Variants in APOOL observed in about 807,000 individuals in gnomAD.
The protein encoded by APOOL is apolipoprotein O like, also known as MICOS complex subunit MIC27.
APOOL carries 12 observed loss-of-function variants against 23.1 expected under a neutral mutation model. The observed-to-expected ratio is 0.52, with a 90% CI of 0.33 to 0.84. APOOL has a LOEUF of 0.84. Ranked by LOEUF, APOOL falls within the 40% of genes least tolerant of loss-of-function variation. The pLI, the probability that APOOL is intolerant of heterozygous loss-of-function variation, is 0.02. For synonymous variants in APOOL, 77 were observed against 69.9 expected, an observed-to-expected ratio of 1.10 and a Z score of -0.51; for missense variants, 212 against 199.6, an observed-to-expected ratio of 1.06 and a Z score of -0.37.
chrX:85,046,371 C>G, intron 1 of APOOL, 75 bp from the exon 2 acceptor site: 1 of 811,749 alleles, frequency 1.2e-6, no homozygotes, highest in Non-Finnish European at 1.8e-6. Context: ...TCCTGAGATT[C>G]CTCCAGTATT....
chrX:85,047,934 C>T (rs1683847760), intron 2 of APOOL, among the ~76,000 whole-genome samples: 1 of 111,361 alleles, frequency 9.0e-6, no homozygotes, highest in South Asian at 3.8e-4. Context: ...AATGTACTAC[C>T]ATCAAATAAA....
intron 3 of APOOL, among the ~76,000 whole-genome samples, chrX:85,053,260 A>G (rs932164848): frequency 1.8e-5 from 2 of 111,473 alleles, no homozygotes; most frequent in East Asian, 2.8e-4. Flanking sequence ...ATGATTCCCA[A>G]TCGACTGGTC....
intron 1 of APOOL, among the ~76,000 whole-genome samples, chrX:85,027,843 G>A (rs1056171505): frequency 3.6e-5 from 4 of 111,925 alleles, no homozygotes; most frequent in Admixed American, 2.9e-4. Context: ...TTACTAGTTT[G>A]ATAGGTGTCT....
chrX:85,057,941 C>A (rs1923034641), intron 5 of APOOL, among the ~76,000 whole-genome samples: 1 of 110,997 alleles, frequency 9.0e-6, no homozygotes, highest in African/African-American at 3.3e-5. Context: ...TTCCTTAGGT[C>A]ATTCACCGTG....
chrX:85,008,900 A>G (rs1192941790), intron 1 of APOOL, among the ~76,000 whole-genome samples: 5 of 111,618 alleles, frequency 4.5e-5, no homozygotes, highest in African/African-American at 9.8e-5. Flanking sequence ...ATATCTTGCC[A>G]TTCATTTGTA....
intron 5 of APOOL, among the ~76,000 whole-genome samples, chrX:85,066,587 G>T (rs1923466223): frequency 9.0e-6 from 1 of 111,078 alleles, no homozygotes; most frequent in Admixed American, 9.7e-5. Flanking sequence ...CTTATGTCAG[G>T]TTACTTGCAA....
At chrX:85,083,575 G>A (rs910789549) in intron 8 of APOOL, among the ~76,000 whole-genome samples, 1 of 111,351 alleles carries the variant, frequency 9.0e-6, no homozygotes, top group African/African-American at 3.3e-5. Flanking sequence ...AGAGAAAAAA[G>A]GAATGGAAAA....
intron 6 of APOOL, among the ~76,000 whole-genome samples, chrX:85,068,290 G>T (rs977521728): frequency 9.0e-6 from 1 of 110,557 alleles, no homozygotes; most frequent in African/African-American, 3.3e-5. Context: ...TAGCTCAGAG[G>T]AGTTTCACAG....
chrX:85,050,073 C>T (rs1352378326), intron 2 of APOOL, among the ~76,000 whole-genome samples: 2 of 110,710 alleles, frequency 1.8e-5, no homozygotes, highest in Non-Finnish European at 3.8e-5. Flanking sequence ...CATCTCTCAC[C>T]TTCCTAATTA....
rs987339432 is a variant in APOOL at position 85,054,375 on chromosome X, T to C, written c.272T>C (p.Met91Thr). 1 of 1,190,702 alleles carries C rather than the reference T, an allele frequency of 8.4e-7. No individual in the cohort carries two copies. The stretch of plus-strand genomic sequence containing the variant: ...TATGTCTTTGTGAAAAATGGGATAA[T>C]GGATACAGTACAATTTGGAAAAGGT... ...GVYVFVKNGIMDTVQFGKDAY... is the reference protein window; with the variant it reads ...GVYVFVKNGITDTVQFGKDAY... The change falls in exon 4 of 9, where the codon ATG (methionine) becomes ACG (threonine). Residue 91 changes from methionine to threonine, a missense_variant. Coordinates refer to ENST00000373173, the MANE Select transcript of APOOL (RefSeq NM_198450.6).
Position 85,087,805 on chromosome X carries a change from C to T in APOOL, c.*127C>T, listed in dbSNP as rs912651118. 1.9e-6 allele frequency: 1 copy of T among 525,283 alleles called. No homozygotes were observed. Among genetic ancestry groups the T allele is most frequent in the African/African-American group, 2.5e-5 (1 of 40,695 alleles). 43.3% of individuals were successfully genotyped at this position (525,283 alleles called of 1,213,427 possible). Reference sequence around the variant, plus strand: ...TTACCTAAACCAAGTTTCTCCCTTACATTTCCAAATATGCCATTTGATAAA... The same window carrying T: ...TTACCTAAACCAAGTTTCTCCCTTATATTTCCAAATATGCCATTTGATAAA... On this transcript the variant is annotated 3_prime_UTR_variant, in exon 9 of 9. Coordinates refer to ENST00000373173, the MANE Select transcript of APOOL (RefSeq NM_198450.6).
At position 85,091,964 on chromosome X, in the gene APOOL, T is replaced by G. The variant is rs188534158; in HGVS notation, c.*4286T>G. On this transcript the variant is annotated 3_prime_UTR_variant, in exon 9 of 9. Transcript: ENST00000373173. The stretch of plus-strand genomic sequence containing the variant: ...GTCTGGGAGGCTGAAGTGGGAGGAT[T>G]GCTTGAGGCCAAAAGTTTGAGACCA... The G allele has an allele frequency of 1.6e-3, 190 of 116,432 alleles. 3 individuals carry two copies. Among genetic ancestry groups the G allele is most frequent in the African/African-American group, 6.1e-3 (187 of 30,889 alleles). 9.6% of individuals were successfully genotyped at this position (116,432 alleles called of 1,213,427 possible). A position where few individuals can be genotyped will look rare whatever the true frequency, so the allele number is the denominator to read the frequency against.
chrX:85,042,971 T>C (rs1296855471), intron 1 of APOOL, among the ~76,000 whole-genome samples: 1 of 112,132 alleles, frequency 8.9e-6, no homozygotes, highest in East Asian at 2.8e-4. Context: ...TACAGTATTC[T>C]GTAAATCAGT....
chrX:85,061,270 G>A (rs866320349), intron 5 of APOOL, among the ~76,000 whole-genome samples: 11 of 111,172 alleles, frequency 9.9e-5, no homozygotes, highest in African/African-American at 3.6e-4. Flanking sequence ...ATGTGCTGCT[G>A]GATTTGGTTT....
At chrX:85,025,973 G>A (rs1362644121) in intron 1 of APOOL, among the ~76,000 whole-genome samples, 1 of 113,078 alleles carries the variant, frequency 8.8e-6, no homozygotes, top group Non-Finnish European at 1.9e-5. Context: ...GTGTGTGGGG[G>A]CTCCAACCCT....
At chrX:85,022,120 G>A (rs771919299) in intron 1 of APOOL, among the ~76,000 whole-genome samples, 7 of 112,227 alleles carry the variant, frequency 6.2e-5, no homozygotes, top group Admixed American at 2.8e-4. Flanking sequence ...AAGAAAAGCC[G>A]AGGACACGAT....
intron 1 of APOOL, among the ~76,000 whole-genome samples, chrX:85,027,123 A>AT (rs1921870128): frequency 8.9e-6 from 1 of 111,916 alleles, no homozygotes; most frequent in Non-Finnish European, 1.9e-5. Context: ...TTCTGTGAAG[A>AT]TTCTCAGGAA....
chrX:85,089,651 C>T lies in APOOL; in HGVS notation c.*1973C>T, dbSNP rs920304372. ...CCATTTGTTTTATTATTCATATTTT[C>T]AACCCCCATATCTCTCTAGTGCTGT... On this transcript the variant is annotated 3_prime_UTR_variant, in exon 9 of 9. Transcript: ENST00000373173. The T allele has an allele frequency of 1.8e-5, 2 of 111,363 alleles. No individual in the cohort carries two copies. Among genetic ancestry groups the T allele is most frequent in the Non-Finnish European group, 3.8e-5 (2 of 53,145 alleles). The allele number at this position is 111,363 out of a possible 1,213,427, so 9.2% of individuals were successfully genotyped here. A position where few individuals can be genotyped will look rare whatever the true frequency, so the allele number is the denominator to read the frequency against.
At chrX:85,041,864 C>G (rs935254759) in intron 1 of APOOL, among the ~76,000 whole-genome samples, 2 of 110,668 alleles carry the variant, frequency 1.8e-5, no homozygotes, top group Non-Finnish European at 3.8e-5. Context: ...GGGTGGGCAG[C>G]TGTCCTGTCT....
Sources: allele counts gnomAD v4.1 joint callset (sites outside exome capture counted in the v4.1 genomes callset), GRCh38; gene constraint gnomAD v4.1.1; transcripts MANE v1.5; gene names NCBI Gene and HGNC (gene_info 2026-07-23, HGNC 2026-07-21).